The following APBB1IP variants were observed in gnomAD, a reference collection of about 807,000 sequenced individuals.
APBB1IP encodes the protein amyloid beta A4 precursor protein-binding family B member 1-interacting protein.
APBB1IP carries 27 observed loss-of-function variants against 64.9 expected under a neutral mutation model. That is an observed-to-expected ratio of 0.42 (90% CI 0.31 to 0.57). The LOEUF (loss-of-function observed/expected upper bound fraction) is 0.57, where lower values mean the gene tolerates loss of function less well. Among genes scored for constraint, APBB1IP ranks in the 20% least tolerant of loss-of-function variants. APBB1IP has a pLI of 0.20. For synonymous variants in APBB1IP, 392 were observed against 331.0 expected (o/e 1.18, Z -2.00); for missense variants, 812 against 845.5 (o/e 0.96, Z 0.49).
intron 2 of APBB1IP, among the ~76,000 whole-genome samples, chr10:26,466,737 C>A (rs1275158873): frequency 6.6e-6 from 1 of 151,426 alleles, no homozygotes; most frequent in Non-Finnish European, 1.5e-5. Flanking sequence ...GTGGGTGGAG[C>A]CCAGCTTGGG....
At chr10:26,477,668 A>G (rs1051401268) in intron 2 of APBB1IP, among the ~76,000 whole-genome samples, 2 of 152,232 alleles carry the variant, frequency 1.3e-5, no homozygotes, top group Non-Finnish European at 1.5e-5. Flanking sequence ...ATGCTTAGCA[A>G]CAAAACACAA....
Position 26,567,702 on chromosome 10 carries a change from T to C in APBB1IP, c.*214T>C. The C allele has an allele frequency of 8.4e-7, 1 of 1,188,328 alleles. No homozygotes were observed. The highest frequency in any genetic ancestry group is 1.1e-6 in the Non-Finnish European group (1 of 918,854). 73.6% of individuals were successfully genotyped at this position (1,188,328 alleles called of 1,614,324 possible). On this transcript the variant is annotated 3_prime_UTR_variant, in exon 15 of 15. Transcript: ENST00000376236. ...TCGTTCCCATGTATTTTAACCTAAA[T>C]GGAATGTATCTTCCCTTCCAAGCTG...
At chr10:26,536,764 C>A (rs1423220750) in intron 10 of APBB1IP, among the ~76,000 whole-genome samples, 5 of 131,990 alleles carry the variant, frequency 3.8e-5, no homozygotes, top group African/African-American at 1.4e-4. Context: ...TGCCACCATG[C>A]CCAGCTGATG....
intron 2 of APBB1IP, among the ~76,000 whole-genome samples, chr10:26,478,928 T>C (rs1038468040): frequency 3.9e-5 from 6 of 151,996 alleles, no homozygotes; most frequent in Admixed American, 2.6e-4. Flanking sequence ...TTTAAAAAAA[T>C]ACAAAATTGT....
chr10:26,498,888 A>G (rs1836062598), intron 4 of APBB1IP, among the ~76,000 whole-genome samples: 1 of 152,220 alleles, frequency 6.6e-6, no homozygotes, highest in Non-Finnish European at 1.5e-5. Context: ...ACGTATGGAA[A>G]ATTAAATTTG....
chr10:26,455,658 G>A (rs979867645), intron 2 of APBB1IP, among the ~76,000 whole-genome samples: 4 of 152,102 alleles, frequency 2.6e-5, no homozygotes, highest in Admixed American at 2.0e-4. Context: ...CACTATGTCT[G>A]CTGATTCAGC....
intron 2 of APBB1IP, among the ~76,000 whole-genome samples, chr10:26,471,234 G>A (rs1156298026): frequency 6.6e-6 from 1 of 152,136 alleles, no homozygotes; most frequent in African/African-American, 2.4e-5. Flanking sequence ...CCTCTAGACC[G>A]AAGCTCACCT....
chr10:26,506,045 C>A (rs1326447119), intron 6 of APBB1IP, among the ~76,000 whole-genome samples: 1 of 152,158 alleles, frequency 6.6e-6, no homozygotes, highest in Non-Finnish European at 1.5e-5. Context: ...TCTAGGCCTG[C>A]CCTTGCCTTG....
At chr10:26,513,183 A>T (rs1836282501) in intron 7 of APBB1IP, among the ~76,000 whole-genome samples, 1 of 152,216 alleles carries the variant, frequency 6.6e-6, no homozygotes, top group South Asian at 2.1e-4. Context: ...TGGGAGGGTG[A>T]GGCAGGAGGA....
At chr10:26,465,208 C>A (rs1231658912) in intron 2 of APBB1IP, among the ~76,000 whole-genome samples, 1 of 152,144 alleles carries the variant, frequency 6.6e-6, no homozygotes, top group Non-Finnish European at 1.5e-5. Flanking sequence ...AAGTGTGTGT[C>A]AGTATTCATC....
chr10:26,503,187 C>T lies in APBB1IP; in HGVS notation c.454-10C>T. The T allele has an allele frequency of 1.2e-6, 2 of 1,613,834 alleles. 1 individual carries two copies. Among genetic ancestry groups the T allele is most frequent in the South Asian group, 2.2e-5 (2 of 91,082 alleles). Reference sequence around the variant, plus strand: ...TGGACTGTATTGAAGAATATCTTGCCCTTTTCCAGGAAGAGGAAGAAGCCC... The same window carrying T: ...TGGACTGTATTGAAGAATATCTTGCTCTTTTCCAGGAAGAGGAAGAAGCCC... On this transcript the variant is annotated splice_polypyrimidine_tract_variant and intron_variant, in intron 5 of 14. Coordinates refer to ENST00000376236, the MANE Select transcript of APBB1IP (RefSeq NM_019043.4).
intron 11 of APBB1IP, among the ~76,000 whole-genome samples, chr10:26,545,957 A>G (rs1004698061): frequency 3.3e-5 from 5 of 152,112 alleles, no homozygotes; most frequent in Non-Finnish European, 5.9e-5. Flanking sequence ...TCTCAAAGAA[A>G]AAAAAAAAAG....
intron 11 of APBB1IP, among the ~76,000 whole-genome samples, chr10:26,553,591 G>C (rs566120266): frequency 6.6e-6 from 1 of 152,262 alleles, no homozygotes; most frequent in African/African-American, 2.4e-5. Context: ...CCAGGCGTTG[G>C]AAGTTGCAGG....
intron 5 of APBB1IP, chr10:26,501,385 T>A (rs1836098091): frequency 1.9e-6 from 1 of 539,956 alleles, no homozygotes. Context: ...AAACTCAATC[T>A]TTTGGGGGAA....
intron 2 of APBB1IP, among the ~76,000 whole-genome samples, chr10:26,480,742 C>T (rs1410002709): frequency 2.1e-5 from 3 of 146,296 alleles, no homozygotes; most frequent in African/African-American, 7.6e-5. Context: ...GCTGGGATTA[C>T]AGGCATGAGC....
chr10:26,550,223 T>C (rs1214798869), intron 11 of APBB1IP, among the ~76,000 whole-genome samples: 1 of 152,126 alleles, frequency 6.6e-6, no homozygotes, highest in Non-Finnish European at 1.5e-5. Flanking sequence ...ATGATATATA[T>C]TGGAGTATTC....
intron 11 of APBB1IP, among the ~76,000 whole-genome samples, chr10:26,555,922 T>C (rs1483668802): frequency 6.6e-6 from 1 of 152,176 alleles, no homozygotes; most frequent in African/African-American, 2.4e-5. Flanking sequence ...TTAATGTACC[T>C]AGGAATTAGC....
At chr10:26,525,186 G>C (rs1247396992) in intron 8 of APBB1IP, among the ~76,000 whole-genome samples, 1 of 151,830 alleles carries the variant, frequency 6.6e-6, no homozygotes, top group African/African-American at 2.4e-5. Context: ...AGATGCTAAG[G>C]TGGGAGGATC....
chr10:26,516,972 C>T (rs1471767827), intron 8 of APBB1IP, among the ~76,000 whole-genome samples: 4 of 152,162 alleles, frequency 2.6e-5, no homozygotes, highest in Non-Finnish European at 5.9e-5. Context: ...TTTGCAGCCC[C>T]GTTCCCAGTC....
Sources: allele counts gnomAD v4.1 joint callset (sites outside exome capture counted in the v4.1 genomes callset), GRCh38; gene constraint gnomAD v4.1.1; transcripts MANE v1.5; gene names NCBI Gene and HGNC (gene_info 2026-07-23, HGNC 2026-07-21).